The following SHANK2 variants were observed in gnomAD, a reference collection of about 807,000 sequenced individuals.
The protein encoded by SHANK2 is SH3 and multiple ankyrin repeat domains 2, also known as SH3 and multiple ankyrin repeat domains protein 2.
In SHANK2, 43 loss-of-function variants were observed where a neutral mutation model predicts 133.7. That is an observed-to-expected ratio of 0.32 (90% CI 0.25 to 0.41). SHANK2 has a LOEUF of 0.41. Among genes scored for constraint, SHANK2 ranks in the 10% least tolerant of loss-of-function variants. SHANK2 has a pLI of 1.00. For missense variants in SHANK2, 1,994 were observed against 2,235.8 expected, an observed-to-expected ratio of 0.89 and a Z score of 2.18; for synonymous variants, 1,017 against 952.8, an observed-to-expected ratio of 1.07 and a Z score of -1.24.
chr11:70,924,520 G>A (rs2135774400), intron 10 of SHANK2, among the ~76,000 whole-genome samples: 1 of 152,144 alleles, frequency 6.6e-6, no homozygotes, highest in Middle Eastern at 3.4e-3. Context: ...GCAGTGGCAC[G>A]ATCCTGGCTC....
rs2135666488 is a variant in SHANK2, at chr11:71,207,119, T to A, written c.-13+17578A>T. Reference sequence around the variant, plus strand: ...AAAAAGAAAAGAAAAGAAAAAAAAATCATGGAAGGAAAGAAAAAAAAATAG... The same window carrying A: ...AAAAAGAAAAGAAAAGAAAAAAAAAACATGGAAGGAAAGAAAAAAAAATAG... On this transcript the variant is annotated intron_variant, in intron 2 of 25. Coordinates refer to ENST00000601538, the MANE Select transcript of SHANK2 (RefSeq NM_012309.5). Among the ~76,000 whole-genome samples the A allele has an allele frequency of 3.3e-5, 4 of 122,572 alleles. No homozygotes were observed. The South Asian group carries it at 1.0e-3, about 32-fold the overall frequency. 80.4% of individuals were successfully genotyped at this position (122,572 alleles called of 152,430 possible). A position where few individuals can be genotyped will look rare whatever the true frequency, so the allele number is the denominator to read the frequency against.
At chr11:70,643,170 T>A (rs1262611724) in intron 17 of SHANK2, among the ~76,000 whole-genome samples, 1 of 152,244 alleles carries the variant, frequency 6.6e-6, no homozygotes, top group Non-Finnish European at 1.5e-5. Flanking sequence ...TGAAGGATTA[T>A]CACATTGGTG....
In SHANK2 at chr11:70,500,557, G is replaced by A. The variant is rs782779197; in HGVS notation, c.2308+13C>T. On this transcript the variant is annotated intron_variant, in intron 21 of 25. Coordinates refer to ENST00000601538, the MANE Select transcript of SHANK2 (RefSeq NM_012309.5). The surrounding 1 kb of genome is among the most constrained non-coding windows in gnomAD (Gnocchi z 4.5). ...TGGGCAGGGGGCTGAGACAGACACT[G>A]GGCCTCCCTTACCCTTCTTCTTCCG... 3 of 1,601,396 alleles carry A rather than the reference G, an allele frequency of 1.9e-6. No individual in the cohort carries two copies. The highest frequency in any genetic ancestry group is 2.6e-6 in the Non-Finnish European group (3 of 1,174,276).
chr11:70,925,897 C>A (rs1404611898), intron 10 of SHANK2, among the ~76,000 whole-genome samples: 1 of 152,182 alleles, frequency 6.6e-6, no homozygotes, highest in Non-Finnish European at 1.5e-5. Flanking sequence ...CTGGTCACAC[C>A]TTCATCAACC....
intron 14 of SHANK2, among the ~76,000 whole-genome samples, chr11:70,718,620 A>G (rs1555028119): frequency 3.3e-5 from 5 of 151,612 alleles, no homozygotes; most frequent in African/African-American, 1.2e-4. Flanking sequence ...ATACTTCCCA[A>G]TCGGTACGTC....
At chr11:71,208,817 C>A (rs1350640983) in intron 2 of SHANK2, among the ~76,000 whole-genome samples, 3 of 152,064 alleles carry the variant, frequency 2.0e-5, no homozygotes, top group African/African-American at 7.2e-5. Context: ...CTCAATAAAT[C>A]GCATCTAAGG....
intron 14 of SHANK2, among the ~76,000 whole-genome samples, chr11:70,756,066 C>T (rs1371004169): frequency 1.3e-5 from 2 of 152,126 alleles, no homozygotes; most frequent in Non-Finnish European, 2.9e-5. Context: ...CTGCTCTGAG[C>T]TCGTTTCCTC....
chr11:71,191,222 T>C (rs1953785735), intron 2 of SHANK2, among the ~76,000 whole-genome samples: 1 of 152,082 alleles, frequency 6.6e-6, no homozygotes, highest in Non-Finnish European at 1.5e-5. Flanking sequence ...CTCAGCTGTA[T>C]CCCCATCCAT....
chr11:70,929,746 C>T (rs1023328416), intron 10 of SHANK2, among the ~76,000 whole-genome samples: 3 of 152,156 alleles, frequency 2.0e-5, no homozygotes, highest in Non-Finnish European at 4.4e-5. Context: ...CTGCAAAGTC[C>T]CTTTTGCCAT....
chr11:70,594,766 A>T (rs114492795), intron 17 of SHANK2, among the ~76,000 whole-genome samples: 200 of 152,226 alleles, frequency 1.3e-3, no homozygotes, highest in African/African-American at 4.4e-3. Context: ...GAGTGAGCTA[A>T]TGGGCATTCG....
At chr11:70,866,223 G>A (rs746662542) in intron 11 of SHANK2, among the ~76,000 whole-genome samples, 4 of 152,150 alleles carry the variant, frequency 2.6e-5, no homozygotes, top group South Asian at 2.1e-4. Context: ...CAGCACCACC[G>A]AGTGGCTCCC....
At chr11:70,862,117 T>C (rs1320526937) in intron 11 of SHANK2, among the ~76,000 whole-genome samples, 1 of 152,170 alleles carries the variant, frequency 6.6e-6, no homozygotes, top group East Asian at 1.9e-4. Flanking sequence ...GATGCGGCTG[T>C]CTCTGTTTCA....
intron 14 of SHANK2, among the ~76,000 whole-genome samples, chr11:70,743,937 C>G (rs1002750460): frequency 6.6e-6 from 1 of 152,196 alleles, no homozygotes; most frequent in Non-Finnish European, 1.5e-5. Context: ...TCCTAAGACC[C>G]CGTCCACTGC....
chr11:70,709,496 C>A (rs1457854440), intron 14 of SHANK2, among the ~76,000 whole-genome samples: 2 of 152,232 alleles, frequency 1.3e-5, no homozygotes, highest in Non-Finnish European at 2.9e-5. Flanking sequence ...AGGAGGAAGT[C>A]TCAGCAGAGA....
At chr11:71,061,160 C>G (rs1950981815) in intron 9 of SHANK2, among the ~76,000 whole-genome samples, 1 of 152,274 alleles carries the variant, frequency 6.6e-6, no homozygotes, top group Non-Finnish European at 1.5e-5. Flanking sequence ...GGGTTGCAAA[C>G]TACGGCCCTT....
intron 15 of SHANK2, among the ~76,000 whole-genome samples, chr11:70,693,741 T>C (rs1305627191): frequency 2.0e-5 from 3 of 152,076 alleles, no homozygotes; most frequent in African/African-American, 7.2e-5. Context: ...ATGAATGCAG[T>C]GGTTGGGTGG....
At chr11:70,674,215 G>A (rs1331554014) in intron 15 of SHANK2, among the ~76,000 whole-genome samples, 3 of 152,184 alleles carry the variant, frequency 2.0e-5, no homozygotes, top group Non-Finnish European at 2.9e-5. Flanking sequence ...CTGGCACCAT[G>A]CTTCCTGGGC....
At chr11:70,561,159 T>C (rs1167230075) in intron 17 of SHANK2, among the ~76,000 whole-genome samples, 2 of 151,992 alleles carry the variant, frequency 1.3e-5, no homozygotes, top group Non-Finnish European at 2.9e-5. Flanking sequence ...TGGCTAGAGG[T>C]TTCTATTTTT....
At chr11:70,654,992 C>G (rs1464171672) in intron 17 of SHANK2, among the ~76,000 whole-genome samples, 1 of 152,102 alleles carries the variant, frequency 6.6e-6, no homozygotes, top group African/African-American at 2.4e-5. Flanking sequence ...TGGTCTCGAA[C>G]TCCTGACCTC....
Sources: gnomAD v4.1 joint callset for allele counts (sites outside exome capture counted in the v4.1 genomes callset) on GRCh38, gnomAD v4.1.1 for gene constraint, Gnocchi (gnomAD v3.1) non-coding constraint, MANE v1.5 for transcripts, NCBI Gene and HGNC (gene_info 2026-07-23, HGNC 2026-07-21) for gene names.